Variants in MAST4 observed in about 807,000 individuals in gnomAD.
The protein encoded by MAST4 is microtubule associated serine/threonine kinase family member 4, also known as microtubule-associated serine/threonine-protein kinase 4.
MAST4 carries 89 observed loss-of-function variants against 162.7 expected under a neutral mutation model. The observed-to-expected ratio is 0.55, with a 90% CI of 0.46 to 0.65. The LOEUF is 0.65. Among genes scored for constraint, MAST4 ranks in the 30% least tolerant of loss-of-function variants. The probability of loss-of-function intolerance (pLI) is 0.00; values close to 1 mark genes in which losing one functional copy is unlikely to be tolerated. For missense variants in MAST4, 3,153 were observed against 3,374.0 expected (o/e 0.93, Z 1.62); for synonymous variants, 1,479 against 1,361.1 (o/e 1.09, Z -1.91).
chr5:66,660,907 T>G (rs754555357), intron 1 of MAST4, among the ~76,000 whole-genome samples: 2 of 152,252 alleles, frequency 1.3e-5, no homozygotes, highest in Non-Finnish European at 2.9e-5. Flanking sequence ...AAAATGTGTC[T>G]TCTTGAAAGC....
intron 4 of MAST4, among the ~76,000 whole-genome samples, chr5:66,960,327 C>G (rs1745855130): frequency 6.6e-6 from 1 of 152,124 alleles, no homozygotes; most frequent in Non-Finnish European, 1.5e-5. Flanking sequence ...CTAATCAGTC[C>G]TTGCTCTAAA....
chr5:66,919,035 G>C (rs192594641), intron 4 of MAST4, among the ~76,000 whole-genome samples: 1 of 150,888 alleles, frequency 6.6e-6, no homozygotes, highest in Non-Finnish European at 1.5e-5. Flanking sequence ...TCTGGGAGGC[G>C]GAGGTTGCAG....
At chr5:67,059,972 A>G (rs1177573167) in intron 5 of MAST4, among the ~76,000 whole-genome samples, 1 of 152,100 alleles carries the variant, frequency 6.6e-6, no homozygotes, top group Non-Finnish European at 1.5e-5. Flanking sequence ...ATTTTCATGC[A>G]TATCCCTTCA....
chr5:66,814,686 C>T (rs1756639550), intron 3 of MAST4, among the ~76,000 whole-genome samples: 1 of 152,198 alleles, frequency 6.6e-6, no homozygotes, highest in South Asian at 2.1e-4. Context: ...ATCTGTCAAG[C>T]ATGTGAGATA....
At position 67,114,192 on chromosome 5, in the gene MAST4, C is replaced by A; in HGVS notation, c.1564C>A (p.Leu522Met). ...TDIPRYIISQ[L>M]GLNKDPLEEM... ...CATTCCCAGGTACATCATTAGCCAA[C>A]TGGGACTCAATAAGGATCCCTTGGA... Residue 522 changes from leucine to methionine, a missense_variant, in exon 12 of 29, where the codon CTG (leucine) becomes ATG (methionine). Transcript: ENST00000403625. 1 of 1,611,918 alleles carries A rather than the reference C, an allele frequency of 6.2e-7. No homozygotes were observed.
intron 1 of MAST4, among the ~76,000 whole-genome samples, chr5:66,690,546 A>G (rs558542732): frequency 6.6e-6 from 1 of 152,216 alleles, no homozygotes. Flanking sequence ...TTCTTCAAAT[A>G]CAAGAATGTT....
At chr5:67,140,830 A>G (rs892817236) in intron 19 of MAST4, among the ~76,000 whole-genome samples, 1 of 152,244 alleles carries the variant, frequency 6.6e-6, no homozygotes, top group Non-Finnish European at 1.5e-5. Context: ...GTCAGACTTC[A>G]GTATTTTGCT....
intron 1 of MAST4, among the ~76,000 whole-genome samples, chr5:66,604,435 A>G (rs1742749749): frequency 6.6e-6 from 1 of 152,222 alleles, no homozygotes; most frequent in Non-Finnish European, 1.5e-5. Flanking sequence ...GAATGATGGT[A>G]GGTGGGAGGG....
intron 1 of MAST4, among the ~76,000 whole-genome samples, chr5:66,601,696 A>G (rs1040749969): frequency 6.6e-6 from 1 of 152,094 alleles, no homozygotes; most frequent in Non-Finnish European, 1.5e-5. Flanking sequence ...TGTGGAGGAG[A>G]GAAGAGCATG....
rs1376580840 is a variant in MAST4 at position 66,759,792 on chromosome 5, G to T, written c.447G>T (p.Leu149=). Reference sequence around the variant, plus strand: ...TGGCTTCTGGCCCTGGAAAATCACTGAAGTATAAAAGACAGCTGAGTGAGG... The same window carrying T: ...TGGCTTCTGGCCCTGGAAAATCACTTAAGTATAAAAGACAGCTGAGTGAGG... ...PDVASGPGKS[L]KYKRQLSEDG... The change falls in exon 2 of 29, where the codon CTG becomes CTT. Residue 149 remains leucine (L), a synonymous_variant. Transcript: ENST00000403625. The T allele has an allele frequency of 6.2e-7, 1 of 1,613,838 alleles. No individual in the cohort carries two copies. Among genetic ancestry groups the T allele is most frequent in the Admixed American group, 1.7e-5 (1 of 59,992 alleles).
Position 66,838,952 on chromosome 5 carries a change from C to T in MAST4, c.642+50158C>T, listed in dbSNP as rs554935386. On this transcript the variant is annotated intron_variant, in intron 3 of 28. Transcript: ENST00000403625. Reference sequence around the variant, plus strand: ...AATATTTTATCAACTGTGAACTATTCTGTCAACTATTAATGAAGAATGCTT... The same window carrying T: ...AATATTTTATCAACTGTGAACTATTTTGTCAACTATTAATGAAGAATGCTT... Among the ~76,000 whole-genome samples, 21 of 152,234 alleles carry T rather than the reference C, an allele frequency of 1.4e-4. No homozygotes were observed. The East Asian group carries it at 4.1e-3, about 29-fold the overall frequency.
intron 2 of MAST4, among the ~76,000 whole-genome samples, chr5:66,776,180 C>A: frequency 6.6e-6 from 1 of 152,164 alleles, no homozygotes; most frequent in East Asian, 1.9e-4. Context: ...ACCTCTATGG[C>A]AGCTTTTGTT....
chr5:66,855,619 G>A (rs1759624786), intron 3 of MAST4, among the ~76,000 whole-genome samples: 1 of 152,162 alleles, frequency 6.6e-6, no homozygotes, highest in Non-Finnish European at 1.5e-5. Flanking sequence ...GTGTAAGGGT[G>A]CTGTGATGGG....
intron 3 of MAST4, among the ~76,000 whole-genome samples, chr5:66,832,362 G>A (rs1398304783): frequency 6.6e-6 from 1 of 152,120 alleles, no homozygotes; most frequent in African/African-American, 2.4e-5. Context: ...AGATCTGTGA[G>A]TGTGTTTAGG....
At chr5:66,670,834 A>G (rs1194026640) in intron 1 of MAST4, among the ~76,000 whole-genome samples, 1 of 152,088 alleles carries the variant, frequency 6.6e-6, no homozygotes, top group Non-Finnish European at 1.5e-5. Context: ...AACTAAAAAC[A>G]TTACTCAGAT....
In MAST4 at chr5:66,987,102, A is replaced by G. The variant is rs148371003; in HGVS notation, c.675-67302A>G. Among the ~76,000 whole-genome samples, 411 of 152,246 alleles carry G rather than the reference A, an allele frequency of 2.7e-3. 2 individuals carry two copies. Among genetic ancestry groups the G allele is most frequent in the African/African-American group, 9.3e-3 (387 of 41,542 alleles). On this transcript the variant is annotated intron_variant, in intron 4 of 28. Coordinates refer to ENST00000403625, the MANE Select transcript of MAST4 (RefSeq NM_001164664.2). Reference sequence around the variant, plus strand: ...AAGAATAAATGTTTTTCTAATGGGCATATTTTAGCTGAGGTTTTTTTTTAA... The same window carrying G: ...AAGAATAAATGTTTTTCTAATGGGCGTATTTTAGCTGAGGTTTTTTTTTAA...
chr5:66,870,716 C>T (rs1760867884), intron 3 of MAST4: 1 of 465,842 alleles, frequency 2.1e-6, no homozygotes, highest in Non-Finnish European at 4.4e-6. Context: ...TCTCCATCAT[C>T]CCACACCCCA....
At chr5:67,077,291 ACCTC>A (rs151182020) in intron 5 of MAST4, among the ~76,000 whole-genome samples, 3,806 of 151,312 alleles carry the variant, frequency 0.025, 133 homozygotes, top group East Asian at 0.17. Flanking sequence ...ATTGCCCTCC[ACCTC>A]CCTCCCCATT....
In MAST4 at chr5:67,142,103, G is replaced by GC. The variant is rs778468152; in HGVS notation, c.2495-7dup. 1 of 1,612,692 alleles carries GC rather than the reference G, an allele frequency of 6.2e-7. No homozygotes were observed. Among genetic ancestry groups the GC allele is most frequent in the Non-Finnish European group, 8.5e-7 (1 of 1,179,010 alleles). On this transcript the variant is annotated splice_polypyrimidine_tract_variant and intron_variant, in intron 19 of 28. Transcript: ENST00000403625. ...AACACTTTCCTCTCTGTCTCTACCT[G>GC]CCCCCTTCCAGGTGGTGCATATGAA...
Sources: gnomAD v4.1 joint callset for allele counts (sites outside exome capture counted in the v4.1 genomes callset) on GRCh38, gnomAD v4.1.1 for gene constraint, MANE v1.5 for transcripts, NCBI Gene and HGNC (gene_info 2026-07-23, HGNC 2026-07-21) for gene names.